The following STYXL2 variants were observed in gnomAD, a reference collection of about 807,000 sequenced individuals.
STYXL2 encodes serine/threonine/tyrosine interacting like 2.
A neutral mutation model predicts 52.4 loss-of-function variants in STYXL2; 44 were observed. That is an observed-to-expected ratio of 0.84 (90% confidence interval 0.66 to 1.08). The LOEUF (loss-of-function observed/expected upper bound fraction) is 1.08. STYXL2 is among the 50% of genes least tolerant of loss of function. STYXL2 has a pLI of 0.00. For missense variants in STYXL2, 1,604 were observed against 1,471.7 expected (o/e 1.09, Z -1.47); for synonymous variants, 604 against 586.9 (o/e 1.03, Z -0.42).
intron 3 of STYXL2, among the ~76,000 whole-genome samples, chr1:167,116,263 G>A (rs1667719356): frequency 1.3e-5 from 2 of 152,184 alleles, no homozygotes; most frequent in Non-Finnish European, 2.9e-5. Flanking sequence ...ATTATTAGAA[G>A]ATAAAGATTC....
chr1:167,095,032 C>A, intron 2 of STYXL2, 73 bp downstream of exon 2: 1 of 1,116,420 alleles, frequency 9.0e-7, no homozygotes, highest in Non-Finnish European at 1.3e-6. Flanking sequence ...GCCATTAGCT[C>A]CAGGGAGCCT....
chr1:167,115,987 G>C (rs1490422557), intron 3 of STYXL2, among the ~76,000 whole-genome samples: 1 of 152,096 alleles, frequency 6.6e-6, no homozygotes, highest in Non-Finnish European at 1.5e-5. Context: ...ATTCCACGAG[G>C]GGCTGGACCA....
At position 167,101,800 on chromosome 1, in the gene STYXL2, C is replaced by CAAAA. The variant is rs35645209; in HGVS notation, c.110+6844_110+6847dup. ...TAGGCAACAGAGTGACAGTCCATCT[C>CAAAA]AAAAAAGAAAAAAAAAAGCCTATGT... is the stretch of plus-strand genomic sequence containing the variant. On this transcript the variant is annotated intron_variant, in intron 2 of 5. Coordinates refer to ENST00000361200, the MANE Select transcript of STYXL2 (RefSeq NM_001080426.3). Among the ~76,000 whole-genome samples, 97 of 141,058 alleles carry CAAAA rather than the reference C, an allele frequency of 6.9e-4. 1 individual carries two copies. Among genetic ancestry groups the CAAAA allele is most frequent in the African/African-American group, 2.3e-3 (86 of 37,478 alleles). 92.5% of individuals were successfully genotyped at this position (141,058 alleles called of 152,430 possible).
At chr1:167,102,838 C>T (rs1450090192) in intron 2 of STYXL2, among the ~76,000 whole-genome samples, 3 of 152,174 alleles carry the variant, frequency 2.0e-5, no homozygotes, top group African/African-American at 7.2e-5. Context: ...AATTTTAAGT[C>T]TTCTTTAAGT....
In STYXL2 at chr1:167,117,571, T is replaced by G. The variant is rs1163472061; in HGVS notation, c.437+12T>G. The G allele has an allele frequency of 1.3e-6, 2 of 1,574,188 alleles. No individual in the cohort carries two copies. The highest frequency in any genetic ancestry group is 1.7e-6 in the Non-Finnish European group (2 of 1,157,836). ...TTCATAGCTGAGAAGTGAGTCTGAC[T>G]GCTCTTCATGACCCTTTGTCCTAAC... On this transcript the variant is annotated intron_variant, in intron 4 of 5. Coordinates refer to ENST00000361200, the MANE Select transcript of STYXL2 (RefSeq NM_001080426.3).
Position 167,117,361 on chromosome 1 carries a change from A to C in STYXL2, c.239A>C (p.Glu80Ala). 1.2e-6 allele frequency: 2 copies of C among 1,611,826 alleles called. No homozygotes were observed. The highest frequency in any genetic ancestry group is 1.7e-6 in the Non-Finnish European group (2 of 1,179,048). The change falls in exon 4 of 6, where the codon GAG (glutamate) becomes GCG (alanine). Residue 80 changes from glutamate to alanine, a missense_variant. Transcript: ENST00000361200. ...CCACCGGGGGTCAGAGCAGACGCAG[A>C]GTGTCCAGGCATGCTGGAGTCTGCT... The part of the protein sequence containing the change: ...LKPPGVRADA[E>A]CPGMLESAEQ...
intron 5 of STYXL2, among the ~76,000 whole-genome samples, chr1:167,121,654 T>C (rs1420590833): frequency 6.6e-6 from 1 of 152,184 alleles, no homozygotes; most frequent in African/African-American, 2.4e-5. Flanking sequence ...AGCAGGAAGT[T>C]TCCTGTCGCG....
Position 167,128,512 on chromosome 1 carries a change from G to A in STYXL2, c.3381G>A (p.Glu1127=), listed in dbSNP as rs1042824741. 1 of 1,613,844 alleles carries A rather than the reference G, an allele frequency of 6.2e-7. No homozygotes were observed. The highest frequency in any genetic ancestry group is 8.5e-7 in the Non-Finnish European group (1 of 1,179,918). ...RSQYRRSTDR[E]EEEEMDDEAI... ...AGTATCGGAGAAGCACTGACAGGGA[G>A]GAAGAGGAAGAAATGGACGATGAAG... Residue 1127 remains glutamate, a synonymous_variant, in exon 6 of 6, where the codon GAG becomes GAA. Coordinates refer to ENST00000361200, the MANE Select transcript of STYXL2 (RefSeq NM_001080426.3).
At chr1:167,118,173 T>C (rs1185192959) in intron 4 of STYXL2, among the ~76,000 whole-genome samples, 2 of 152,232 alleles carry the variant, frequency 1.3e-5, no homozygotes. Flanking sequence ...TTTCCTAAGG[T>C]AGACATTGTT....
intron 3 of STYXL2, among the ~76,000 whole-genome samples, chr1:167,114,575 C>T (rs916926902): frequency 6.6e-6 from 1 of 152,126 alleles, no homozygotes; most frequent in African/African-American, 2.4e-5. Flanking sequence ...TCACATGCTA[C>T]TCTTTGTCCA....
chr1:167,123,246 A>G (rs934449371), intron 5 of STYXL2, among the ~76,000 whole-genome samples: 1 of 152,168 alleles, frequency 6.6e-6, no homozygotes, highest in African/African-American at 2.4e-5. Context: ...AACATCCCTG[A>G]GTCTCACCCA....
rs766782601 is a variant in STYXL2 at position 167,127,192 on chromosome 1, C to A, written c.2061C>A (p.His687Gln). Residue 687 changes from histidine to glutamine, a missense_variant, in exon 6 of 6, where the codon CAC becomes CAA. By Grantham distance (24) the His-to-Gln change is conservative. Transcript: ENST00000361200. Reference sequence around the variant, plus strand: ...TGAGCACCCAGAGCCACCGCTCCCACCTGTCTCAGGCTGCAAGCAACATAG... The same window carrying A: ...TGAGCACCCAGAGCCACCGCTCCCAACTGTCTCAGGCTGCAAGCAACATAG... ...SVLSTQSHRS[H>Q]LSQAASNIAG... 1 of 1,614,186 alleles carries A rather than the reference C, an allele frequency of 6.2e-7. No individual in the cohort carries two copies. Among genetic ancestry groups the A allele is most frequent in the Non-Finnish European group, 8.5e-7 (1 of 1,180,002 alleles).
At chr1:167,101,024 A>T (rs1451405736) in intron 2 of STYXL2, among the ~76,000 whole-genome samples, 1 of 152,236 alleles carries the variant, frequency 6.6e-6, no homozygotes, top group Non-Finnish European at 1.5e-5. Context: ...CTTTTTAAAA[A>T]ATGAAAACAG....
intron 5 of STYXL2, among the ~76,000 whole-genome samples, chr1:167,124,946 T>TA (rs10531474): frequency 0.016 from 2,091 of 129,668 alleles, 45 homozygotes; most frequent in African/African-American, 0.042. Flanking sequence ...TACAAACTCC[T>TA]AAAAAAAAAA....
rs1238180503 is a variant in STYXL2 at position 167,094,966 on chromosome 1, G to A, written c.110+7G>A. 1.3e-6 allele frequency: 2 copies of A among 1,590,564 alleles called. No homozygotes were observed. Among genetic ancestry groups the A allele is most frequent in the African/African-American group, 1.3e-5 (1 of 74,510 alleles). On this transcript the variant is annotated splice_region_variant and intron_variant, in intron 2 of 5. Coordinates refer to ENST00000361200, the MANE Select transcript of STYXL2 (RefSeq NM_001080426.3). ...GAAGCCCCTCCCCTAGCCAGTAAGT[G>A]ACCACTTATCTCCCACCCTCACAGC...
intron 2 of STYXL2, among the ~76,000 whole-genome samples, chr1:167,103,337 A>G (rs1199838027): frequency 6.6e-6 from 1 of 152,194 alleles, no homozygotes; most frequent in African/African-American, 2.4e-5. Flanking sequence ...CTACAGCCCT[A>G]TATCCAGCCC....
At chr1:167,117,708 A>T (rs1667758496) in intron 4 of STYXL2, 149 bp downstream of exon 4, 1 of 675,890 alleles carries the variant, frequency 1.5e-6, no homozygotes, top group African/African-American at 1.8e-5. Context: ...CCCAGCCCAG[A>T]GAAAGGCCCC....
chr1:167,119,541 T>C (rs1667808353), intron 5 of STYXL2, 75 bp downstream of exon 5: 1 of 1,351,380 alleles, frequency 7.4e-7, no homozygotes, highest in East Asian at 2.4e-5. Context: ...TATGAAAACC[T>C]GATTAGTTGG....
At chr1:167,100,917 A>G (rs1667390342) in intron 2 of STYXL2, among the ~76,000 whole-genome samples, 1 of 152,206 alleles carries the variant, frequency 6.6e-6, no homozygotes, top group African/African-American at 2.4e-5. Flanking sequence ...ACTCTAAACT[A>G]TTACATTTGC....
Sources: allele counts gnomAD v4.1 joint callset (sites outside exome capture counted in the v4.1 genomes callset), GRCh38; gene constraint gnomAD v4.1.1; transcripts MANE v1.5; gene names NCBI Gene and HGNC (gene_info 2026-07-23, HGNC 2026-07-21).